Variants in LRP1B observed in about 807,000 individuals in gnomAD.
LRP1B encodes the protein LDL receptor related protein 1B, also known as low-density lipoprotein receptor-related protein 1B.
Under a neutral mutation model 556.6 loss-of-function variants are expected in LRP1B, and 217 were observed. That is an observed-to-expected ratio of 0.39 (90% CI 0.35 to 0.44). The LOEUF (loss-of-function observed/expected upper bound fraction) is 0.44. LRP1B is among the 20% of genes least tolerant of loss of function. The pLI is 1.00. For synonymous variants in LRP1B, 2,047 were observed against 1,865.8 expected, an observed-to-expected ratio of 1.10 and a Z score of -2.50; for missense variants, 5,053 against 5,620.8, an observed-to-expected ratio of 0.90 and a Z score of 3.23.
At chr2:141,312,330 A>C (rs914359507) in intron 3 of LRP1B, among the ~76,000 whole-genome samples, 29 of 152,170 alleles carry the variant, frequency 1.9e-4, no homozygotes, top group Non-Finnish European at 5.9e-5. Context: ...ATAATGTTAA[A>C]CATATTTTTT....
intron 84 of LRP1B, among the ~76,000 whole-genome samples, chr2:140,279,013 G>A (rs900432970): frequency 2.6e-5 from 4 of 151,974 alleles, no homozygotes; most frequent in South Asian, 2.1e-4. Context: ...TCTGCACCCC[G>A]GTTAGGATTC....
chr2:141,470,909 G>A (rs1682437429), intron 3 of LRP1B, among the ~76,000 whole-genome samples: 1 of 152,180 alleles, frequency 6.6e-6, no homozygotes, highest in South Asian at 2.1e-4. Flanking sequence ...TGCTAATGGT[G>A]AAATTATGGT....
chr2:141,055,053 T>C, intron 10 of LRP1B, 63 bp downstream of exon 10: 1 of 1,572,724 alleles, frequency 6.4e-7, no homozygotes, highest in South Asian at 1.2e-5. Context: ...TGCTGCTAAT[T>C]AATACTTAAA....
chr2:140,842,638 C>G (rs1692145572), intron 29 of LRP1B, among the ~76,000 whole-genome samples: 1 of 151,890 alleles, frequency 6.6e-6, no homozygotes, highest in Non-Finnish European at 1.5e-5. Flanking sequence ...AATATACCAC[C>G]TCCTTAAAGT....
At chr2:140,282,973 AT>A (rs1682978318) in intron 84 of LRP1B, among the ~76,000 whole-genome samples, 1 of 151,846 alleles carries the variant, frequency 6.6e-6, no homozygotes, top group African/African-American at 2.4e-5. Flanking sequence ...CAGCATTATC[AT>A]TTACTTACAT....
At chr2:141,520,764 A>G (rs1290883745) in intron 2 of LRP1B, among the ~76,000 whole-genome samples, 1 of 152,132 alleles carries the variant, frequency 6.6e-6, no homozygotes, top group African/African-American at 2.4e-5. Flanking sequence ...CCTTACAATA[A>G]CACACCTTCA....
intron 82 of LRP1B, among the ~76,000 whole-genome samples, chr2:140,315,344 C>G (rs1684475438): frequency 6.6e-6 from 1 of 152,046 alleles, no homozygotes. Context: ...TTAACCTTTT[C>G]TTGTATTTGT....
chr2:141,197,207 G>A (rs1681791973), intron 6 of LRP1B, among the ~76,000 whole-genome samples: 2 of 152,186 alleles, frequency 1.3e-5, no homozygotes, highest in South Asian at 4.1e-4. Flanking sequence ...CCTGTCTGTT[G>A]GGGTTGTATT....
At chr2:141,312,705 T>G (rs530235419) in intron 3 of LRP1B, among the ~76,000 whole-genome samples, 22 of 152,180 alleles carry the variant, frequency 1.4e-4, no homozygotes, top group African/African-American at 1.9e-4. Context: ...CTTTTTTTTT[T>G]TGTGATGAAG....
intron 1 of LRP1B, among the ~76,000 whole-genome samples, chr2:142,092,101 C>T (rs1417074912): frequency 1.3e-5 from 2 of 152,134 alleles, no homozygotes; most frequent in Non-Finnish European, 2.9e-5. Context: ...TGTGCCATCT[C>T]CACGCTGATT....
chr2:141,026,890 A>T (rs1391864351), intron 11 of LRP1B, among the ~76,000 whole-genome samples: 1 of 152,108 alleles, frequency 6.6e-6, no homozygotes, highest in Non-Finnish European at 1.5e-5. Context: ...TACATCTACA[A>T]ATAATGAAAC....
At chr2:141,376,888 G>A (rs1416585799) in intron 3 of LRP1B, among the ~76,000 whole-genome samples, 2 of 151,922 alleles carry the variant, frequency 1.3e-5, no homozygotes, top group African/African-American at 2.4e-5. Flanking sequence ...AAAATTTTCT[G>A]TATTCTTAAA....
intron 32 of LRP1B, among the ~76,000 whole-genome samples, chr2:140,783,349 AAAG>A (rs1427878045): frequency 1.3e-5 from 2 of 150,146 alleles, no homozygotes. Flanking sequence ...CCAGATAAAT[AAAG>A]AGTAGTTTAC....
chr2:140,445,632 A>T (rs16843963), intron 63 of LRP1B, among the ~76,000 whole-genome samples: 2,267 of 152,226 alleles, frequency 0.015, 51 homozygotes, highest in African/African-American at 0.052. Flanking sequence ...AATAATAATA[A>T]GGCAGGATCT....
chr2:140,459,766 T>G (rs112201324), intron 60 of LRP1B, among the ~76,000 whole-genome samples: 2,321 of 152,128 alleles, frequency 0.015, 61 homozygotes, highest in African/African-American at 0.051. Flanking sequence ...GTTGAGGGAG[T>G]GATCTGGTGG....
intron 2 of LRP1B, among the ~76,000 whole-genome samples, chr2:141,647,828 A>G (rs936138928): frequency 1.3e-5 from 2 of 151,964 alleles, no homozygotes; most frequent in Non-Finnish European, 2.9e-5. Context: ...AAAATTAAGA[A>G]AATTTTAATT....
At chr2:140,532,521 C>T (rs532590815) in intron 47 of LRP1B, among the ~76,000 whole-genome samples, 6 of 152,048 alleles carry the variant, frequency 3.9e-5, no homozygotes, top group Admixed American at 6.6e-5. Context: ...CTCAGCATCC[C>T]GAGTAGCTGG....
chr2:141,952,015 G>T (rs1468458257), intron 1 of LRP1B, among the ~76,000 whole-genome samples: 1 of 92,842 alleles, frequency 1.1e-5, no homozygotes, highest in Admixed American at 1.7e-4. Flanking sequence ...CCCACCCCAC[G>T]ACAGGCCCCG....
At chr2:141,875,080 T>A (rs1161199220) in intron 1 of LRP1B, among the ~76,000 whole-genome samples, 1 of 151,798 alleles carries the variant, frequency 6.6e-6, no homozygotes, top group East Asian at 1.9e-4. Context: ...TCATTTTATA[T>A]ATCATATATA....
Sources: gnomAD v4.1 joint callset for allele counts (sites outside exome capture counted in the v4.1 genomes callset) on GRCh38, gnomAD v4.1.1 for gene constraint, MANE v1.5 for transcripts, NCBI Gene and HGNC (gene_info 2026-07-23, HGNC 2026-07-21) for gene names.